DDR2: variants seen among roughly 807,000 people sequenced by gnomAD.
DDR2 encodes the protein discoidin domain receptor tyrosine kinase 2, also known as discoidin domain-containing receptor 2.
In DDR2, 27 loss-of-function variants were observed where a neutral mutation model predicts 94.9. The observed-to-expected ratio is 0.28, with a 90% CI of 0.21 to 0.39. The LOEUF is 0.39. Among genes scored for constraint, DDR2 ranks in the 10% least tolerant of loss-of-function variants. The pLI is 1.00. For synonymous variants in DDR2, 382 were observed against 377.2 expected, an observed-to-expected ratio of 1.01 and a Z score of -0.15; for missense variants, 783 against 1,076.0, an observed-to-expected ratio of 0.73 and a Z score of 3.81.
chr1:162,750,972 T>G (rs556273613), intron 3 of DDR2, among the ~76,000 whole-genome samples: 165 of 152,294 alleles, frequency 1.1e-3, no homozygotes, highest in Admixed American at 2.5e-3. Flanking sequence ...GATCCCTTCC[T>G]TACACCTTAT....
At chr1:162,750,500 C>G (rs565259217) in intron 3 of DDR2, among the ~76,000 whole-genome samples, 1 of 152,248 alleles carries the variant, frequency 6.6e-6, no homozygotes, top group South Asian at 2.1e-4. Flanking sequence ...AAAGAGGACA[C>G]AAACAAATGG....
chr1:162,640,725 C>T (rs997800762), intron 1 of DDR2, among the ~76,000 whole-genome samples: 1 of 152,108 alleles, frequency 6.6e-6, no homozygotes, highest in African/African-American at 2.4e-5. Context: ...ATTAAAGCTA[C>T]CTGAGGCAGA....
chr1:162,710,181 A>G (rs1436087841), intron 2 of DDR2, among the ~76,000 whole-genome samples: 1 of 152,180 alleles, frequency 6.6e-6, no homozygotes, highest in Non-Finnish European at 1.5e-5. Context: ...CTCTCCTACA[A>G]ACTCTAGCAT....
intron 9 of DDR2, among the ~76,000 whole-genome samples, chr1:162,764,392 TAAAAAAAAAAAA>T (rs375251287): frequency 1.1e-4 from 13 of 122,594 alleles, no homozygotes; most frequent in African/African-American, 3.5e-4. Flanking sequence ...CAGAATGCTT[TAAAAAAAAAAAA>T]AAAAAAAGAA....
chr1:162,760,121 A>T, intron 8 of DDR2, 142 bp downstream of exon 8: 1 of 1,102,296 alleles, frequency 9.1e-7, no homozygotes, highest in Non-Finnish European at 1.3e-6. Flanking sequence ...TGCATTTCAC[A>T]AGTCACTTCA....
intron 3 of DDR2, among the ~76,000 whole-genome samples, chr1:162,726,138 T>C (rs1661652246): frequency 6.6e-6 from 1 of 152,204 alleles, no homozygotes; most frequent in Non-Finnish European, 1.5e-5. Flanking sequence ...GTACCTAGCA[T>C]AGTGTCAAAC....
At chr1:162,685,538 G>T (rs1169186060) in intron 2 of DDR2, among the ~76,000 whole-genome samples, 1 of 151,886 alleles carries the variant, frequency 6.6e-6, no homozygotes, top group East Asian at 1.9e-4. Context: ...TTTTAACAAG[G>T]TATATAATTG....
chr1:162,752,959 T>C, intron 3 of DDR2, 136 bp from the exon 4 acceptor site: 1 of 739,838 alleles, frequency 1.4e-6, no homozygotes, highest in Non-Finnish European at 2.3e-6. Flanking sequence ...GTGATCAAAC[T>C]GGGGCCATAG....
Position 162,783,594 on chromosome 1 carries a change from G to A in DDR2, c.*3348G>A, listed in dbSNP as rs1486155936. 6.6e-6 allele frequency: 1 copy of A among 152,142 alleles called. No homozygotes were observed. The highest frequency in any genetic ancestry group is 1.5e-5 in the Non-Finnish European group (1 of 68,016). 9.4% of individuals were successfully genotyped at this position (152,142 alleles called of 1,614,324 possible). A position where few individuals can be genotyped will look rare whatever the true frequency, so the allele number is the denominator to read the frequency against. On this transcript the variant is annotated 3_prime_UTR_variant, in exon 18 of 18. Coordinates refer to ENST00000367921, the MANE Select transcript of DDR2 (RefSeq NM_006182.4). Reference sequence around the variant, plus strand: ...AAGAAGGAGTTTTGAAAGGGAATAGGAAAGTAAGTGTCTTGAAGTAAAAGA... The same window carrying A: ...AAGAAGGAGTTTTGAAAGGGAATAGAAAAGTAAGTGTCTTGAAGTAAAAGA...
At chr1:162,699,057 T>TTAAATAG (rs74836595) in intron 2 of DDR2, among the ~76,000 whole-genome samples, 8,948 of 152,290 alleles carry the variant, frequency 0.059, 309 homozygotes, top group Admixed American at 0.08. Context: ...ACCAAGGTTG[T>TTAAATAG]CTGCAATGGG....
Position 162,778,662 on chromosome 1 carries a change from A to C in DDR2, c.2366A>C (p.Tyr789Ser), listed in dbSNP as rs2102206673. 1 of 1,614,024 alleles carries C rather than the reference A, an allele frequency of 6.2e-7. No individual in the cohort carries two copies. The highest frequency in any genetic ancestry group is 8.5e-7 in the Non-Finnish European group (1 of 1,179,916). Residue 789 changes from tyrosine (Y) to serine (S), a missense_variant, in exon 17 of 18, where the codon TAT becomes TCT. By Grantham distance (144) the Tyr-to-Ser change is moderately radical. This residue lies in a region of DDR2 where 264 missense variants were observed against 428.2 expected (regional missense o/e 0.62). Transcript: ENST00000367921. ...TTCACCTTTTGTCAAGAACAGCCCT[A>C]TTCCCAGCTGTCAGATGAACAGGTT... ...ETFTFCQEQP[Y>S]SQLSDEQVIE...
Position 162,776,312 on chromosome 1 carries a change from G to T in DDR2, c.2225G>T (p.Arg742Leu), listed in dbSNP as rs550210469. ...AACCTGTACAGTGGTGACTATTACC[G>T]GATCCAGGGCCGGGCAGTGCTCCCT... is the stretch of plus-strand genomic sequence containing the variant. The part of the protein sequence containing the change: ...SRNLYSGDYY[R>L]IQGRAVLPIR... The change falls in exon 16 of 18, where the codon CGG (arginine) becomes CTG (leucine). Residue 742 changes from arginine to leucine, a missense_variant. Around this residue, in one of 2 missense-constraint regions of DDR2, gnomAD observed 264 missense variants for 428.2 expected, o/e 0.62. Transcript: ENST00000367921. 2 of 1,613,966 alleles carry T rather than the reference G, an allele frequency of 1.2e-6. No individual in the cohort carries two copies. Among genetic ancestry groups the T allele is most frequent in the South Asian group, 2.2e-5 (2 of 91,068 alleles).
chr1:162,700,730 C>T (rs757150016), intron 2 of DDR2, among the ~76,000 whole-genome samples: 1 of 152,136 alleles, frequency 6.6e-6, no homozygotes, highest in African/African-American at 2.4e-5. Flanking sequence ...TTTGGGGTCA[C>T]AGCAAGACTT....
intron 2 of DDR2, among the ~76,000 whole-genome samples, chr1:162,655,767 T>G (rs1657927067): frequency 6.6e-6 from 1 of 152,212 alleles, no homozygotes; most frequent in Non-Finnish European, 1.5e-5. Context: ...AATATTACAA[T>G]TTGTTTTTAT....
intron 3 of DDR2, among the ~76,000 whole-genome samples, chr1:162,719,997 C>G (rs1159357152): frequency 1.3e-5 from 2 of 152,138 alleles, no homozygotes; most frequent in Admixed American, 6.6e-5. Flanking sequence ...AGCCAGAATA[C>G]TCAAACATTT....
At chr1:162,677,757 G>A (rs1279804473) in intron 2 of DDR2, among the ~76,000 whole-genome samples, 4 of 152,066 alleles carry the variant, frequency 2.6e-5, no homozygotes, top group South Asian at 4.1e-4. Context: ...TGAATTTTTG[G>A]GCAGTCAGTG....
At chr1:162,636,202 A>G (rs1482900214) in intron 1 of DDR2, among the ~76,000 whole-genome samples, 3 of 152,212 alleles carry the variant, frequency 2.0e-5, no homozygotes, top group Non-Finnish European at 4.4e-5. Flanking sequence ...AAACCCCAGC[A>G]TTTGGCAAAT....
Position 162,713,877 on chromosome 1 carries a change from T to A in DDR2, c.-27-5160T>A, listed in dbSNP as rs149922009. ...AAGAATAAATGGGATATAGAAATTA[T>A]GGTATATGTATTTTTATTGAAATTA... On this transcript the variant is annotated intron_variant, in intron 2 of 17. Coordinates refer to ENST00000367921, the MANE Select transcript of DDR2 (RefSeq NM_006182.4). 3.5e-4 allele frequency among the ~76,000 whole-genome samples: 54 copies of A among 152,320 alleles called. No individual in the cohort carries two copies. The East Asian group carries it at 0.01, about 28-fold the overall frequency.
At chr1:162,729,296 A>ATTT (rs1271719479) in intron 3 of DDR2, among the ~76,000 whole-genome samples, 14 of 33,052 alleles carry the variant, frequency 4.2e-4, no homozygotes, top group South Asian at 1.1e-3. Flanking sequence ...ATATATATAT[A>ATTT]TATATTTTTT....
Sources: allele counts gnomAD v4.1 joint callset (sites outside exome capture counted in the v4.1 genomes callset), GRCh38; gene constraint gnomAD v4.1.1; regional missense constraint gnomAD v4.1.1; transcripts MANE v1.5; gene names NCBI Gene and HGNC (gene_info 2026-07-23, HGNC 2026-07-21).